NOS1: variants seen among roughly 807,000 people sequenced by gnomAD.
The protein encoded by NOS1 is nitric oxide synthase 1.
A neutral mutation model predicts 164.5 loss-of-function variants in NOS1; 51 were observed. That is an observed-to-expected ratio of 0.31 (90% confidence interval 0.25 to 0.39). NOS1 has a LOEUF of 0.39. Ranked by LOEUF, NOS1 falls within the 10% of genes least tolerant of loss-of-function variation. The pLI, the probability that NOS1 is intolerant of heterozygous loss-of-function variation, is 1.00. For missense variants in NOS1, 1,362 were observed against 1,885.6 expected (o/e 0.72, Z 5.14); for synonymous variants, 719 against 745.8 (o/e 0.96, Z 0.59).
At chr12:117,249,723 A>C (rs754193537) in intron 17 of NOS1, among the ~76,000 whole-genome samples, 7 of 152,044 alleles carry the variant, frequency 4.6e-5, no homozygotes, top group Non-Finnish European at 8.8e-5. Flanking sequence ...AGTGGGGTCA[A>C]ATTCATGAGC....
chr12:117,271,308 C>T (rs1406550949), intron 10 of NOS1, among the ~76,000 whole-genome samples: 14 of 150,820 alleles, frequency 9.3e-5, no homozygotes, highest in Middle Eastern at 3.4e-3. Context: ...GATGGAGACT[C>T]GCTCTGTTGC....
intron 2 of NOS1, among the ~76,000 whole-genome samples, chr12:117,321,611 G>A (rs746050205): frequency 4.6e-5 from 7 of 152,144 alleles, no homozygotes; most frequent in Non-Finnish European, 8.8e-5. Context: ...AGCTGCTTAC[G>A]TTCAAGTGGG....
intron 27 of NOS1, among the ~76,000 whole-genome samples, chr12:117,218,732 G>A (rs1163387932): frequency 6.6e-6 from 1 of 152,006 alleles, no homozygotes; most frequent in African/African-American, 2.4e-5. Context: ...AACCTCCCCC[G>A]GAGTCTCAAG....
chr12:117,321,207 A>C lies in NOS1; in HGVS notation c.725+9138T>G, dbSNP rs547267405. Among the ~76,000 whole-genome samples the C allele has an allele frequency of 4.6e-5, 7 of 152,106 alleles. No individual in the cohort carries two copies. In the South Asian group the frequency reaches 1.2e-3, roughly 27 times the overall value. On this transcript the variant is annotated intron_variant, in intron 2 of 28. Transcript: ENST00000317775. ...GTATTTTTAGTAGAGACGGGGTTTC[A>C]CCATGTTGGCCAGGCTGGTCTCAAA...
intron 3 of NOS1, among the ~76,000 whole-genome samples, chr12:117,297,098 A>G (rs1278393009): frequency 6.6e-6 from 1 of 152,278 alleles, no homozygotes; most frequent in East Asian, 1.9e-4. Context: ...TTAAATGCTA[A>G]GCCAAGGATG....
At chr12:117,305,060 G>A (rs1339530238) in intron 3 of NOS1, 3 of 985,242 alleles carry the variant, frequency 3.0e-6, no homozygotes. Flanking sequence ...ATCCCTTCCT[G>A]ACTCAGGATT....
chr12:117,228,420 G>C (rs947311365), intron 22 of NOS1, among the ~76,000 whole-genome samples: 1 of 152,170 alleles, frequency 6.6e-6, no homozygotes, highest in Admixed American at 6.5e-5. Flanking sequence ...GGGAGTGGCA[G>C]GCATTCAGTG....
At chr12:117,293,930 C>T (rs866136725) in intron 3 of NOS1, among the ~76,000 whole-genome samples, 1 of 152,030 alleles carries the variant, frequency 6.6e-6, no homozygotes, top group Non-Finnish European at 1.5e-5. Flanking sequence ...GGCCAGGCAC[C>T]CTAAACACTT....
At position 117,354,020 on chromosome 12, in the gene NOS1, C is replaced by A. The variant is rs542167531; in HGVS notation, c.-421+7492G>T. Among the ~76,000 whole-genome samples, 262 of 152,272 alleles carry A rather than the reference C, an allele frequency of 1.7e-3. 1 individual carries two copies. Among genetic ancestry groups the A allele is most frequent in the African/African-American group, 6.1e-3 (252 of 41,556 alleles). ...CTCTGCATTTCATCCAAGGTCATCA[C>A]CCATTTTAGCCAAAAAAATATGTGG... On this transcript the variant is annotated intron_variant, in intron 1 of 28. Coordinates refer to ENST00000317775, the MANE Select transcript of NOS1 (RefSeq NM_000620.5).
chr12:117,239,529 G>C (rs1364763110), intron 20 of NOS1, among the ~76,000 whole-genome samples: 3 of 152,178 alleles, frequency 2.0e-5, no homozygotes, highest in Non-Finnish European at 4.4e-5. Context: ...AGATTTTCAA[G>C]GATCACCCTC....
chr12:117,229,356 G>A (rs967715067), intron 22 of NOS1, among the ~76,000 whole-genome samples: 5 of 152,146 alleles, frequency 3.3e-5, no homozygotes, highest in African/African-American at 9.7e-5. Flanking sequence ...TATCTAGAAT[G>A]TTCCCATCCA....
chr12:117,221,707 C>T (rs1034944240), intron 26 of NOS1, among the ~76,000 whole-genome samples: 3 of 151,716 alleles, frequency 2.0e-5, no homozygotes, highest in Non-Finnish European at 4.4e-5. Context: ...GATCACAGCT[C>T]ACTGAAGCCT....
intron 10 of NOS1, among the ~76,000 whole-genome samples, chr12:117,269,463 T>A (rs1298276583): frequency 1.5e-5 from 2 of 131,804 alleles, no homozygotes. Flanking sequence ...TCTGGAGATT[T>A]GTTTTTTTTT....
At chr12:117,345,223 G>A (rs1036130390) in intron 1 of NOS1, among the ~76,000 whole-genome samples, 64 of 152,020 alleles carry the variant, frequency 4.2e-4, no homozygotes, top group Admixed American at 3.5e-3. Flanking sequence ...GGATTTTGCC[G>A]TGTTGGCCAG....
At chr12:117,264,041 G>A in intron 12 of NOS1, 67 bp from the exon 13 acceptor site, 1 of 1,283,042 alleles carries the variant, frequency 7.8e-7, no homozygotes, top group Non-Finnish European at 1.1e-6. Flanking sequence ...TGTTGGGGAT[G>A]CTCAGGACCA....
Position 117,311,599 on chromosome 12 carries a change from G to A in NOS1, c.726-7C>T. 6.2e-7 allele frequency: 1 copy of A among 1,607,822 alleles called. No individual in the cohort carries two copies. Among genetic ancestry groups the A allele is most frequent in the Non-Finnish European group, 8.5e-7 (1 of 1,176,654 alleles). On this transcript the variant is annotated splice_region_variant and splice_polypyrimidine_tract_variant and intron_variant, in intron 2 of 28. Transcript: ENST00000317775. Reference sequence around the variant, plus strand: ...TGACTTGCCGTCCAAATCTCTGAAAGGCAAGGTGGGGCAGGTGAGGAAGGG... The same window carrying A: ...TGACTTGCCGTCCAAATCTCTGAAAAGCAAGGTGGGGCAGGTGAGGAAGGG...
chr12:117,347,297 GA>G (rs34618211), intron 1 of NOS1, among the ~76,000 whole-genome samples: 82,160 of 140,374 alleles, frequency 0.59, 23,351 homozygotes, highest in Non-Finnish European at 0.6. Context: ...TCAAAACAAG[GA>G]AAAAAAAAAA....
chr12:117,319,199 G>T (rs1874799087), intron 2 of NOS1, among the ~76,000 whole-genome samples: 1 of 151,654 alleles, frequency 6.6e-6, no homozygotes, highest in Non-Finnish European at 1.5e-5. Flanking sequence ...TTATAGGCAT[G>T]CACCACCATC....
intron 1 of NOS1, among the ~76,000 whole-genome samples, chr12:117,350,060 C>A (rs1876545849): frequency 6.6e-6 from 1 of 152,068 alleles, no homozygotes; most frequent in South Asian, 2.1e-4. Flanking sequence ...GACACACAGA[C>A]TCTCAGCTCC....
Sources: gnomAD v4.1 joint callset for allele counts (sites outside exome capture counted in the v4.1 genomes callset) on GRCh38, gnomAD v4.1.1 for gene constraint, MANE v1.5 for transcripts, NCBI Gene and HGNC (gene_info 2026-07-23, HGNC 2026-07-21) for gene names.